Variants in PPP6R1 observed in about 807,000 individuals in gnomAD.
PPP6R1 encodes the protein protein phosphatase 6 regulatory subunit 1, also known as serine/threonine-protein phosphatase 6 regulatory subunit 1.
In PPP6R1, 39 loss-of-function variants were observed where a neutral mutation model predicts 104.6. That is an observed-to-expected ratio of 0.37 (90% confidence interval 0.29 to 0.49). The LOEUF is 0.49. Among genes scored for constraint, PPP6R1 ranks in the 20% least tolerant of loss-of-function variants. The pLI, the probability that PPP6R1 is intolerant of heterozygous loss-of-function variation, is 0.98. For missense variants in PPP6R1, 1,181 were observed against 1,155.8 expected (o/e 1.02, Z -0.32); for synonymous variants, 549 against 479.0 (o/e 1.15, Z -1.91).
chr19:55,242,724 A>G (rs2087469875), intron 5 of PPP6R1: 1 of 519,370 alleles, frequency 1.9e-6, no homozygotes, highest in Non-Finnish European at 3.5e-6. Flanking sequence ...CAAGGCCCTC[A>G]TGACCGCATA....
chr19:55,235,764 C>T lies in PPP6R1; in HGVS notation c.1988+879G>A, dbSNP rs199965562. ...TGATCTCCTGACCTCGTGATCCGCC[C>T]GCCTCAGCCTCCCAAAGTGCTGGGA... is the stretch of plus-strand genomic sequence containing the variant. On this transcript the variant is annotated intron_variant, in intron 17 of 23. Coordinates refer to ENST00000412770, the MANE Select transcript of PPP6R1 (RefSeq NM_014931.4). Among the ~76,000 whole-genome samples the T allele has an allele frequency of 1.4e-3, 207 of 151,820 alleles. 2 individuals carry two copies. The highest frequency in any genetic ancestry group is 7.7e-3 in the East Asian group (40 of 5,162).
rs1467462372 is a variant in PPP6R1, at chr19:55,232,100, G to A, written c.2100C>T (p.Tyr700=). ...AARGGATPLS[Y]PSPGPQPPGP... Reference sequence around the variant, plus strand: ...CTGGAGGCTGAGGGCCAGGGCTGGGGTAGGACAGAGGGGTGGCCCCTCCAC... The same window carrying A: ...CTGGAGGCTGAGGGCCAGGGCTGGGATAGGACAGAGGGGTGGCCCCTCCAC... The change falls in exon 18 of 24, where the codon TAC becomes TAT. Residue 700 remains tyrosine, a synonymous_variant. Coordinates refer to ENST00000412770, the MANE Select transcript of PPP6R1 (RefSeq NM_014931.4). 5.6e-6 allele frequency: 9 copies of A among 1,608,870 alleles called. No homozygotes were observed. The highest frequency in any genetic ancestry group is 2.2e-5 in the East Asian group (1 of 44,702).
In PPP6R1 at chr19:55,257,821, C is replaced by A. The variant is rs556043047; in HGVS notation, c.-7+614G>T. Reference sequence around the variant, plus strand: ...GGGCTGATGCCCCCTCCTCGGTGCCCAGCGCCAGGCTCCCTGCCTGCCCTC... The same window carrying A: ...GGGCTGATGCCCCCTCCTCGGTGCCAAGCGCCAGGCTCCCTGCCTGCCCTC... On this transcript the variant is annotated intron_variant, in intron 1 of 23. Coordinates refer to ENST00000412770, the MANE Select transcript of PPP6R1 (RefSeq NM_014931.4). Among the ~76,000 whole-genome samples the A allele has an allele frequency of 2.4e-3, 368 of 152,374 alleles. 1 individual carries two copies. Among genetic ancestry groups the A allele is most frequent in the Non-Finnish European group, 3.0e-3 (207 of 68,030 alleles).
In PPP6R1 at chr19:55,241,664, G is replaced by A. The variant is rs534077400; in HGVS notation, c.846-25C>T. ...CCTGCAGCAGGGCAGGGTCGAAGGC[G>A]GAGTGAGCCTAGATGGCCTGTGCGC... On this transcript the variant is annotated intron_variant, in intron 7 of 23. Transcript: ENST00000412770. The surrounding 1 kb of genome is among the most constrained non-coding windows in gnomAD (Gnocchi z 5.4). 29 of 1,540,698 alleles carry A rather than the reference G, an allele frequency of 1.9e-5. No individual in the cohort carries two copies. The South Asian group carries it at 2.1e-4, about 11-fold the overall frequency.
intron 5 of PPP6R1, among the ~76,000 whole-genome samples, chr19:55,243,998 C>T (rs2087483640): frequency 6.6e-6 from 1 of 152,126 alleles, no homozygotes; most frequent in African/African-American, 2.4e-5. Flanking sequence ...CTTTGAATAC[C>T]CTAAAAGCGC....
At chr19:55,246,760 C>A (rs1273142429) in intron 2 of PPP6R1, 117 bp downstream of exon 2, 2 of 1,032,506 alleles carry the variant, frequency 1.9e-6, no homozygotes, top group Non-Finnish European at 2.8e-6. Context: ...TCGTCTTCCT[C>A]ATCCCCAAAC....
rs191622436 is a variant in PPP6R1, at chr19:55,247,646, C to G, written c.-6-537G>C. Among the ~76,000 whole-genome samples the G allele has an allele frequency of 9.7e-3, 1,484 of 152,314 alleles. 29 individuals are homozygous for G. The highest frequency in any genetic ancestry group is 0.033 in the African/African-American group (1,390 of 41,558). On this transcript the variant is annotated intron_variant, in intron 1 of 23. Coordinates refer to ENST00000412770, the MANE Select transcript of PPP6R1 (RefSeq NM_014931.4). Reference sequence around the variant, plus strand: ...CAGATGCCCGATGACTTCCAGCACACGGCTGCTGCTTGGCCCAGCAAATCC... The same window carrying G: ...CAGATGCCCGATGACTTCCAGCACAGGGCTGCTGCTTGGCCCAGCAAATCC...
At chr19:55,253,520 G>A (rs1283483678) in intron 1 of PPP6R1, among the ~76,000 whole-genome samples, 2 of 152,192 alleles carry the variant, frequency 1.3e-5, no homozygotes, top group African/African-American at 2.4e-5. Context: ...GAGGGTGCTC[G>A]CTGGTGCACG....
At position 55,235,582 on chromosome 19, in the gene PPP6R1, A is replaced by G. The variant is rs1397328907; in HGVS notation, c.1988+1061T>C. Among the ~76,000 whole-genome samples, 62 of 150,430 alleles carry G rather than the reference A, an allele frequency of 4.1e-4. 1 individual carries two copies. The highest frequency in any genetic ancestry group is 3.5e-3 in the Admixed American group (52 of 15,060). On this transcript the variant is annotated intron_variant, in intron 17 of 23. Coordinates refer to ENST00000412770, the MANE Select transcript of PPP6R1 (RefSeq NM_014931.4). Reference sequence around the variant, plus strand: ...CGCCCAGGCTGGAGTACAGTGGCGCAATCTTGGCTCACTGCAAGCTCCGCC... The same window carrying G: ...CGCCCAGGCTGGAGTACAGTGGCGCGATCTTGGCTCACTGCAAGCTCCGCC...
At position 55,231,452 on chromosome 19, in the gene PPP6R1, G is replaced by C; in HGVS notation, c.2417C>G (p.Ala806Gly). ...GGCAGAACGGATCCCGTGGAAGGTG[G>C]CCTGAAGGTCCCCGATGCTAACCAA... ...QALVSIGDLQ[A>G]TFHGIRSAPS... Residue 806 changes from alanine to glycine, a missense_variant, in exon 21 of 24, where the codon GCC becomes GGC. Physicochemically the swap from Ala to Gly is moderately conservative, Grantham distance 60. Around this residue, in one of 2 missense-constraint regions of PPP6R1, gnomAD observed 1,042 missense variants for 955.6 expected, o/e 1.09. Coordinates refer to ENST00000412770, the MANE Select transcript of PPP6R1 (RefSeq NM_014931.4). The C allele has an allele frequency of 6.2e-7, 1 of 1,607,904 alleles. No individual in the cohort carries two copies. Among genetic ancestry groups the C allele is most frequent in the East Asian group, 2.2e-5 (1 of 44,710 alleles).
rs1389055334 is a variant in PPP6R1, at chr19:55,258,928, A to G, written c.-500T>C. On this transcript the variant is annotated 5_prime_UTR_variant, in exon 1 of 24. Coordinates refer to ENST00000412770, the MANE Select transcript of PPP6R1 (RefSeq NM_014931.4). ...GAAGCCGAGGCCTACTTCCTTAACC[A>G]CCCCTTCCCCAAAGCCGCTCAATCT... 1 of 151,270 alleles carries G rather than the reference A, an allele frequency of 6.6e-6. No individual in the cohort carries two copies. Among genetic ancestry groups the G allele is most frequent in the Admixed American group, 6.6e-5 (1 of 15,232 alleles). 9.4% of individuals were successfully genotyped at this position (151,270 alleles called of 1,614,324 possible). A position where few individuals can be genotyped will look rare whatever the true frequency, so the allele number is the denominator to read the frequency against.
chr19:55,231,329 A>ACAAGATGAACCCAGAGCCCACCT, intron 21 of PPP6R1, 81 bp downstream of exon 21: 1 of 1,453,214 alleles, frequency 6.9e-7, no homozygotes, highest in Non-Finnish European at 9.4e-7. Context: ...CAGCTCAGGG[A>ACAAGATGAACCCAGAGCCCACCT]CAAGATGAAC....
At chr19:55,228,330 C>A (rs376766021), downstream of PPP6R1, 1 of 1,613,932 alleles carries the variant, frequency 6.2e-7, no homozygotes, top group Admixed American at 1.7e-5. Context: ...CGGGCAGGCA[C>A]TTGACCAGGG....
At chr19:55,228,764 G>A (rs767045223), downstream of PPP6R1, 18 of 1,611,488 alleles carry the variant, frequency 1.1e-5, no homozygotes, top group East Asian at 2.5e-4. Context: ...GCCCCAGAGC[G>A]ACCTAATCTG....
At chr19:55,237,675 T>G (rs1346372379) in intron 15 of PPP6R1, among the ~76,000 whole-genome samples, 1 of 152,222 alleles carries the variant, frequency 6.6e-6, no homozygotes, top group Admixed American at 6.5e-5. Flanking sequence ...CTCACGCACT[T>G]CATTCTCACA....
intron 11 of PPP6R1, 44 bp downstream of exon 11, chr19:55,240,192 G>A (rs1426113525): frequency 6.4e-7 from 1 of 1,567,254 alleles, no homozygotes; most frequent in Non-Finnish European, 8.6e-7. Context: ...CCCCCATCCA[G>A]GCAGCCCCAG....
chr19:55,242,009 G>A (rs975587700), intron 7 of PPP6R1, among the ~76,000 whole-genome samples, 157 bp downstream of exon 7: 6 of 152,172 alleles, frequency 3.9e-5, no homozygotes, highest in Middle Eastern at 3.4e-3. Flanking sequence ...TTCCTCCCTC[G>A]GCCCCGTACT....
intron 17 of PPP6R1, chr19:55,232,669 A>G (rs1049403293): frequency 4.9e-5 from 8 of 162,414 alleles, no homozygotes; most frequent in Admixed American, 3.6e-4. Context: ...GAAGGCAGAG[A>G]TGGCTGAGTT....
At position 55,239,982 on chromosome 19, in the gene PPP6R1, G is replaced by A. The variant is rs747452296; in HGVS notation, c.1477+17C>T. The A allele has an allele frequency of 4.4e-6, 7 of 1,607,808 alleles. No individual in the cohort carries two copies. The highest frequency in any genetic ancestry group is 2.2e-5 in the East Asian group (1 of 44,636). ...AAGCCCCCCACCTAGCCCTCAGGCC[G>A]GCCTGGGGACCCTCACCCTTCAGCA... On this transcript the variant is annotated intron_variant, in intron 12 of 23. Coordinates refer to ENST00000412770, the MANE Select transcript of PPP6R1 (RefSeq NM_014931.4).
Sources: allele counts gnomAD v4.1 joint callset (sites outside exome capture counted in the v4.1 genomes callset), GRCh38; gene constraint gnomAD v4.1.1; regional missense constraint gnomAD v4.1.1; non-coding constraint Gnocchi (gnomAD v3.1); transcripts MANE v1.5; gene names NCBI Gene and HGNC (gene_info 2026-07-23, HGNC 2026-07-21).